ACSBG1: variants seen among roughly 807,000 people sequenced by gnomAD.
The protein encoded by ACSBG1 is long-chain-fatty-acid--CoA ligase ACSBG1.
Under a neutral mutation model 80.2 loss-of-function variants are expected in ACSBG1, and 39 were observed. That is an observed-to-expected ratio of 0.49 (90% CI 0.38 to 0.64). The LOEUF (loss-of-function observed/expected upper bound fraction) is 0.64. ACSBG1 is among the 30% of genes least tolerant of loss of function. The pLI, the probability that ACSBG1 is intolerant of heterozygous loss-of-function variation, is 0.00. For synonymous variants in ACSBG1, 392 were observed against 379.5 expected, an observed-to-expected ratio of 1.03 and a Z score of -0.38; for missense variants, 828 against 966.4, an observed-to-expected ratio of 0.86 and a Z score of 1.90.
intron 5 of ACSBG1, among the ~76,000 whole-genome samples, chr15:78,187,418 A>G (rs978683151): frequency 6.6e-6 from 1 of 152,200 alleles, no homozygotes; most frequent in Non-Finnish European, 1.5e-5. Context: ...TGATGCAAAA[A>G]TCCTCAATAA....
intron 1 of ACSBG1, among the ~76,000 whole-genome samples, chr15:78,222,761 T>C (rs1367624386): frequency 1.3e-5 from 2 of 152,156 alleles, no homozygotes; most frequent in East Asian, 3.9e-4. Context: ...AAATGATAAC[T>C]GACTTTTCCT....
intron 12 of ACSBG1, among the ~76,000 whole-genome samples, 156 bp downstream of exon 12, chr15:78,174,229 C>T (rs2074858609): frequency 6.6e-6 from 1 of 152,218 alleles, no homozygotes; most frequent in African/African-American, 2.4e-5. Flanking sequence ...CCACGTGCCA[C>T]AGTTTTTCCT....
chr15:78,192,505 T>G (rs1409391577), intron 5 of ACSBG1, among the ~76,000 whole-genome samples: 1 of 152,192 alleles, frequency 6.6e-6, no homozygotes, highest in Non-Finnish European at 1.5e-5. Flanking sequence ...CACCTGAGGC[T>G]ATTTTCAAAC....
At position 78,178,514 on chromosome 15, in the gene ACSBG1, G is replaced by T; in HGVS notation, c.1702+100C>A. The T allele has an allele frequency of 7.7e-7, 1 of 1,304,876 alleles. No individual in the cohort carries two copies. The allele number at this position is 1,304,876 out of a possible 1,614,324, so 80.8% of individuals were successfully genotyped here. On this transcript the variant is annotated intron_variant, in intron 11 of 13. Transcript: ENST00000258873. This position sits in a 1 kb window ranked among gnomAD's most constrained non-coding sequence, Gnocchi z 4.3. ...ATGGGGTTTCGCTGTGCTGCCCAGGGTGGTCTTGAACTCCTGAGCTCAGAC... is the reference window on the plus strand; with the variant it reads ...ATGGGGTTTCGCTGTGCTGCCCAGGTTGGTCTTGAACTCCTGAGCTCAGAC...
rs771280821 is a variant in ACSBG1, at chr15:78,171,448, A to G, written c.2171T>C (p.Met724Thr). 7 of 1,613,876 alleles carry G rather than the reference A, an allele frequency of 4.3e-6. No homozygotes were observed. Among genetic ancestry groups the G allele is most frequent in the East Asian group, 2.2e-5 (1 of 44,886 alleles). The change falls in exon 14 of 14, where the codon ATG (methionine) becomes ACG (threonine). Residue 724 changes from methionine (M) to threonine (T), a missense_variant. Physicochemically the swap from Met to Thr is moderately conservative, Grantham distance 81. Coordinates refer to ENST00000258873, the MANE Select transcript of ACSBG1 (RefSeq NM_015162.5). Reference sequence around the variant, plus strand: ...AACTGCAGGCATAGGCCCTGATTACATTTTTTGCTCTTGGTAAAAGGAGTC... The same window carrying G: ...AACTGCAGGCATAGGCCCTGATTACGTTTTTTGCTCTTGGTAAAAGGAGTC... ...IIDSFYQEQKM is the reference protein window; with the variant it reads ...IIDSFYQEQKT
At position 78,224,720 on chromosome 15, in the gene ACSBG1, C is replaced by CA. The variant is rs1400767201; in HGVS notation, c.131+9650dup. ...TGGGCGACAGAGCGAGACTCCGCCT[C>CA]AAAAAAAAAAGAAATTTATTCAGGC... On this transcript the variant is annotated intron_variant, in intron 1 of 13. Coordinates refer to ENST00000258873, the MANE Select transcript of ACSBG1 (RefSeq NM_015162.5). Among the ~76,000 whole-genome samples, 149 of 142,622 alleles carry CA rather than the reference C, an allele frequency of 1.0e-3. 3 individuals carry two copies. The highest frequency in any genetic ancestry group is 3.8e-3 in the South Asian group (17 of 4,516). The allele number at this position is 142,622 out of a possible 152,430, so 93.6% of individuals were successfully genotyped here. A position where few individuals can be genotyped will look rare whatever the true frequency, so the allele number is the denominator to read the frequency against.
At chr15:78,207,546 G>A (rs945743796) in intron 2 of ACSBG1, among the ~76,000 whole-genome samples, 2 of 152,036 alleles carry the variant, frequency 1.3e-5, no homozygotes, top group African/African-American at 4.8e-5. Flanking sequence ...AGATCAAGAA[G>A]ATAACATGTA....
chr15:78,197,141 A>G (rs781060839), intron 2 of ACSBG1, among the ~76,000 whole-genome samples: 4 of 152,178 alleles, frequency 2.6e-5, no homozygotes, highest in Non-Finnish European at 4.4e-5. Flanking sequence ...AGGCTACAAC[A>G]TGGATGAAAC....
intron 1 of ACSBG1, chr15:78,209,377 G>A (rs2075248391): frequency 4.9e-6 from 2 of 405,006 alleles, no homozygotes; most frequent in Admixed American, 5.3e-5. Flanking sequence ...CTGGGCCACA[G>A]GCCTGGAGCA....
rs1176299299 is a variant in ACSBG1, at chr15:78,169,263, G to A, written c.*2181C>T. 1 of 294,800 alleles carries A rather than the reference G, an allele frequency of 3.4e-6. No individual in the cohort carries two copies. 18.3% of individuals were successfully genotyped at this position (294,800 alleles called of 1,614,324 possible). A position where few individuals can be genotyped will look rare whatever the true frequency, so the allele number is the denominator to read the frequency against. ...ATGTTTTTTTTGTAAACTCTGAGTG[G>A]ACTGTATCATTTGCTATTCTAAACC... is the stretch of plus-strand genomic sequence containing the variant. On this transcript the variant is annotated 3_prime_UTR_variant, in exon 14 of 14. Transcript: ENST00000258873.
intron 2 of ACSBG1, among the ~76,000 whole-genome samples, chr15:78,197,436 A>G (rs2075124243): frequency 6.6e-6 from 1 of 152,060 alleles, no homozygotes; most frequent in Non-Finnish European, 1.5e-5. Flanking sequence ...AAACAGAGAG[A>G]GGGCCCGCAT....
At chr15:78,215,457 G>A (rs889790330) in intron 1 of ACSBG1, among the ~76,000 whole-genome samples, 3 of 152,248 alleles carry the variant, frequency 2.0e-5, no homozygotes, top group Admixed American at 1.3e-4. Flanking sequence ...AAGAGTTCAA[G>A]ACCAGCCTGG....
chr15:78,232,828 GCACGTAC>G (rs2075458382), intron 1 of ACSBG1, among the ~76,000 whole-genome samples: 1 of 152,036 alleles, frequency 6.6e-6, no homozygotes. Context: ...GGGATTACAG[GCACGTAC>G]CACCACCTGG....
At chr15:78,233,109 T>C (rs892867456) in intron 1 of ACSBG1, among the ~76,000 whole-genome samples, 1 of 152,190 alleles carries the variant, frequency 6.6e-6, no homozygotes, top group Admixed American at 6.5e-5. Flanking sequence ...AATCTGCCCT[T>C]GGGTGAGGAA....
chr15:78,181,077 A>C (rs2074938850), intron 8 of ACSBG1, 141 bp from the exon 9 acceptor site: 4 of 959,582 alleles, frequency 4.2e-6, no homozygotes, highest in Non-Finnish European at 4.5e-6. Flanking sequence ...GGTGGCACAT[A>C]CTGTTTCCTC....
intron 2 of ACSBG1, among the ~76,000 whole-genome samples, chr15:78,196,004 T>G (rs1421500246): frequency 1.3e-5 from 2 of 152,156 alleles, no homozygotes; most frequent in East Asian, 3.9e-4. Context: ...AGCCCATTCC[T>G]CCTCCTGTGG....
intron 1 of ACSBG1, among the ~76,000 whole-genome samples, chr15:78,210,423 T>C (rs2075257169): frequency 6.6e-6 from 1 of 152,176 alleles, no homozygotes; most frequent in African/African-American, 2.4e-5. Context: ...TCATCCGAAA[T>C]AGAATGTGCT....
chr15:78,212,939 C>G (rs925640265), intron 1 of ACSBG1, among the ~76,000 whole-genome samples: 3 of 152,192 alleles, frequency 2.0e-5, no homozygotes, highest in African/African-American at 2.4e-5. Context: ...CCACAGCCAA[C>G]TGATGAGCAA....
At chr15:78,209,175 C>T (rs752161423) in intron 1 of ACSBG1, 14 of 456,088 alleles carry the variant, frequency 3.1e-5, no homozygotes, top group Middle Eastern at 3.3e-4. Context: ...CACTCCTTGT[C>T]GGCACTGCAG....
Sources: allele counts gnomAD v4.1 joint callset (sites outside exome capture counted in the v4.1 genomes callset), GRCh38; gene constraint gnomAD v4.1.1; non-coding constraint Gnocchi (gnomAD v3.1); transcripts MANE v1.5; gene names NCBI Gene and HGNC (gene_info 2026-07-23, HGNC 2026-07-21).